PRKCB: variants seen among roughly 807,000 people sequenced by gnomAD.
PRKCB encodes protein kinase C beta type.
Under a neutral mutation model 81.5 loss-of-function variants are expected in PRKCB, and 13 were observed. The observed-to-expected ratio is 0.16, with a 90% CI of 0.10 to 0.25. The LOEUF (loss-of-function observed/expected upper bound fraction) is 0.25, where lower values mean the gene tolerates loss of function less well. Among genes scored for constraint, PRKCB ranks in the 10% least tolerant of loss-of-function variants. The probability of loss-of-function intolerance (pLI) is 1.00; values close to 1 mark genes in which losing one functional copy is unlikely to be tolerated. For missense variants in PRKCB, 509 were observed against 875.7 expected (o/e 0.58, Z 5.29); for synonymous variants, 335 against 321.4 (o/e 1.04, Z -0.45).
chr16:24,057,492 C>T (rs1282864043), intron 5 of PRKCB, among the ~76,000 whole-genome samples: 3 of 152,152 alleles, frequency 2.0e-5, no homozygotes, highest in Non-Finnish European at 2.9e-5. Flanking sequence ...TCTTTAATCT[C>T]TTCTGTATGG....
chr16:24,049,350 C>A (rs1287195005), intron 5 of PRKCB, among the ~76,000 whole-genome samples: 1 of 137,890 alleles, frequency 7.3e-6, no homozygotes, highest in Non-Finnish European at 1.6e-5. Flanking sequence ...CCGGGACCTG[C>A]ACCTTAACCA....
intron 5 of PRKCB, among the ~76,000 whole-genome samples, chr16:24,079,366 C>T (rs1412059130): frequency 1.3e-5 from 2 of 152,192 alleles, no homozygotes; most frequent in African/African-American, 2.4e-5. Context: ...ATCAGCTGGA[C>T]TGAACCTTGG....
At chr16:23,881,252 A>AAT (rs1963101552) in intron 2 of PRKCB, among the ~76,000 whole-genome samples, 1 of 103,132 alleles carries the variant, frequency 9.7e-6, no homozygotes, top group African/African-American at 3.7e-5. Flanking sequence ...CTCTTTTCCC[A>AAT]GTTTTTTTTT....
At chr16:24,014,167 T>C (rs1323171269) in intron 3 of PRKCB, among the ~76,000 whole-genome samples, 1 of 152,130 alleles carries the variant, frequency 6.6e-6, no homozygotes, top group Non-Finnish European at 1.5e-5. Context: ...GCTTTGCAAG[T>C]TGAATAATCT....
At chr16:23,846,050 A>G (rs1043408177) in intron 2 of PRKCB, among the ~76,000 whole-genome samples, 3 of 152,214 alleles carry the variant, frequency 2.0e-5, no homozygotes, top group Middle Eastern at 3.2e-3. Flanking sequence ...TCTCTGATAT[A>G]TTACAACTCT....
intron 8 of PRKCB, among the ~76,000 whole-genome samples, chr16:24,116,094 G>A (rs990748883): frequency 6.6e-6 from 1 of 152,148 alleles, no homozygotes; most frequent in African/African-American, 2.4e-5. Context: ...GCCTCTGTTT[G>A]GTTACGGGGC....
chr16:24,036,065 T>G (rs985797682), intron 5 of PRKCB, among the ~76,000 whole-genome samples: 1 of 152,190 alleles, frequency 6.6e-6, no homozygotes, highest in Admixed American at 6.5e-5. Context: ...TTTCCACATA[T>G]TTGAAATATT....
In PRKCB at chr16:24,216,425, G is replaced by A. The variant is rs1968229543; in HGVS notation, c.*1609G>A. 1 of 985,318 alleles carries A rather than the reference G, an allele frequency of 1.0e-6. No homozygotes were observed. The highest frequency in any genetic ancestry group is 6.1e-5 in the Admixed American group (1 of 16,270). 61.0% of individuals were successfully genotyped at this position (985,318 alleles called of 1,614,324 possible). On this transcript the variant is annotated 3_prime_UTR_variant, in exon 17 of 17. Coordinates refer to ENST00000643927, the MANE Select transcript of PRKCB (RefSeq NM_002738.7). The stretch of plus-strand genomic sequence containing the variant: ...CTGTCTGAGAGGATTAAGGCAGCAG[G>A]TGACTCCCCCTCCTCGCCTGCCGTG...
chr16:24,013,962 G>T (rs1205830184), intron 3 of PRKCB, among the ~76,000 whole-genome samples: 6 of 152,144 alleles, frequency 3.9e-5, no homozygotes, highest in Non-Finnish European at 5.9e-5. Flanking sequence ...CACCTGGCAG[G>T]CATTTGCTCC....
At chr16:24,182,407 A>C (rs924917123) in intron 13 of PRKCB, among the ~76,000 whole-genome samples, 1 of 152,062 alleles carries the variant, frequency 6.6e-6, no homozygotes, top group Non-Finnish European at 1.5e-5. Context: ...TGCTGTCCTG[A>C]CTACTCAGGA....
intron 3 of PRKCB, among the ~76,000 whole-genome samples, chr16:24,006,506 T>G (rs1965123543): frequency 6.6e-6 from 1 of 152,206 alleles, no homozygotes; most frequent in Non-Finnish European, 1.5e-5. Context: ...TCTACCATGT[T>G]GGTGGTTCTA....
In PRKCB at chr16:23,912,133, C is replaced by T. The variant is rs146175426; in HGVS notation, c.205+74727C>T. On this transcript the variant is annotated intron_variant, in intron 2 of 16. Coordinates refer to ENST00000643927, the MANE Select transcript of PRKCB (RefSeq NM_002738.7). Reference sequence around the variant, plus strand: ...AGACATGAGCCACTGTACCTAACTGCGCCACCCCTTTATACCCTCCAGGGA... The same window carrying T: ...AGACATGAGCCACTGTACCTAACTGTGCCACCCCTTTATACCCTCCAGGGA... Among the ~76,000 whole-genome samples the T allele has an allele frequency of 4.8e-3, 734 of 152,094 alleles. 4 individuals carry two copies. The highest frequency in any genetic ancestry group is 6.7e-3 in the Non-Finnish European group (452 of 67,956).
At chr16:23,869,233 T>G (rs1004481300) in intron 2 of PRKCB, 3 of 389,298 alleles carry the variant, frequency 7.7e-6, no homozygotes, top group African/African-American at 6.2e-5. Flanking sequence ...TAGCCATTGT[T>G]CTTCCCACCT....
intron 3 of PRKCB, among the ~76,000 whole-genome samples, chr16:24,021,281 C>T (rs1374336599): frequency 3.2e-5 from 3 of 93,590 alleles, no homozygotes; most frequent in African/African-American, 4.4e-5. Flanking sequence ...TCTTTCTTTT[C>T]TCCCTCTCCC....
chr16:24,107,549 GC>G (rs1396091467), intron 7 of PRKCB, among the ~76,000 whole-genome samples: 2 of 152,186 alleles, frequency 1.3e-5, no homozygotes, highest in African/African-American at 4.8e-5. Flanking sequence ...CAGATGGAGA[GC>G]CCATCTTCCT....
At chr16:24,137,477 C>T (rs1309706160) in intron 9 of PRKCB, among the ~76,000 whole-genome samples, 4 of 152,304 alleles carry the variant, frequency 2.6e-5, no homozygotes, top group South Asian at 2.1e-4. Flanking sequence ...GTGTGAGTCA[C>T]GTCGCTGGGC....
intron 3 of PRKCB, among the ~76,000 whole-genome samples, chr16:24,001,336 C>T (rs1567340049): frequency 6.6e-6 from 1 of 152,152 alleles, no homozygotes; most frequent in Non-Finnish European, 1.5e-5. Context: ...GTCCTGTGAT[C>T]TCCTAATTCC....
chr16:23,915,591 C>T (rs901774377), intron 2 of PRKCB, among the ~76,000 whole-genome samples: 5 of 144,800 alleles, frequency 3.5e-5, no homozygotes, highest in Non-Finnish European at 3.0e-5. Context: ...CTAGTGGACA[C>T]TGAAGTAGGA....
chr16:23,986,584 A>T, intron 2 of PRKCB, among the ~76,000 whole-genome samples: 1 of 152,256 alleles, frequency 6.6e-6, no homozygotes, highest in East Asian at 1.9e-4. Context: ...AATTGTTAAC[A>T]CGTATATTTA....
Sources: gnomAD v4.1 joint callset for allele counts (sites outside exome capture counted in the v4.1 genomes callset) on GRCh38, gnomAD v4.1.1 for gene constraint, MANE v1.5 for transcripts, NCBI Gene and HGNC (gene_info 2026-07-23, HGNC 2026-07-21) for gene names.